The following CNTNAP2 variants were observed in gnomAD, a reference collection of about 807,000 sequenced individuals.
The protein encoded by CNTNAP2 is contactin-associated protein-like 2.
Under a neutral mutation model 155.2 loss-of-function variants are expected in CNTNAP2, and 98 were observed. The ratio of observed to expected loss-of-function variants is 0.63; its 90% CI spans 0.54 to 0.75. CNTNAP2 has a LOEUF of 0.75. CNTNAP2 is among the 30% of genes least tolerant of loss of function. CNTNAP2 has a pLI of 0.00. For synonymous variants in CNTNAP2, 651 were observed against 631.2 expected (o/e 1.03, Z -0.47); for missense variants, 1,727 against 1,688.1 (o/e 1.02, Z -0.40).
chr7:148,069,809 C>G (rs1803348480), intron 15 of CNTNAP2, among the ~76,000 whole-genome samples: 2 of 151,130 alleles, frequency 1.3e-5, no homozygotes, highest in Admixed American at 1.3e-4. Flanking sequence ...GGGACATATG[C>G]ATCTCCATCT....
chr7:146,820,971 A>G (rs1040702812), intron 2 of CNTNAP2, among the ~76,000 whole-genome samples: 1 of 152,094 alleles, frequency 6.6e-6, no homozygotes, highest in Non-Finnish European at 1.5e-5. Flanking sequence ...GTTTTATCAG[A>G]GACTAGGATT....
intron 1 of CNTNAP2, among the ~76,000 whole-genome samples, chr7:146,589,005 AC>A: frequency 6.6e-6 from 1 of 152,196 alleles, no homozygotes; most frequent in East Asian, 1.9e-4. Context: ...ATTACAGGTC[AC>A]CTCATTCACT....
At chr7:146,569,178 G>A (rs1219968132) in intron 1 of CNTNAP2, among the ~76,000 whole-genome samples, 39 of 151,918 alleles carry the variant, frequency 2.6e-4, no homozygotes, top group Admixed American at 2.4e-3. Flanking sequence ...CACCACGCCC[G>A]GCTAATTTTT....
At chr7:146,345,911 T>G in intron 1 of CNTNAP2, among the ~76,000 whole-genome samples, 1 of 152,092 alleles carries the variant, frequency 6.6e-6, no homozygotes, top group East Asian at 1.9e-4. Context: ...GTGAGCTTTA[T>G]CTAGTTGATG....
chr7:146,550,039 A>T (rs550048818), intron 1 of CNTNAP2, among the ~76,000 whole-genome samples: 1 of 152,108 alleles, frequency 6.6e-6, no homozygotes, highest in African/African-American at 2.4e-5. Flanking sequence ...CGTGGAACCT[A>T]AAAAGCTCCA....
At chr7:147,374,398 A>G (rs890731846) in intron 9 of CNTNAP2, among the ~76,000 whole-genome samples, 2 of 152,102 alleles carry the variant, frequency 1.3e-5, no homozygotes, top group African/African-American at 4.8e-5. Context: ...TTCAACCACA[A>G]TTTAAACATT....
At chr7:147,802,955 TAATA>T (rs935712286) in intron 13 of CNTNAP2, among the ~76,000 whole-genome samples, 186 of 152,114 alleles carry the variant, frequency 1.2e-3, no homozygotes, top group African/African-American at 4.5e-3. Context: ...GTAATAATTA[TAATA>T]AATAGTCTAA....
rs1001617231 is a variant in CNTNAP2 at position 146,668,600 on chromosome 7, A to G, written c.98-105671A>G. On this transcript the variant is annotated intron_variant, in intron 1 of 23. Coordinates refer to ENST00000361727, the MANE Select transcript of CNTNAP2 (RefSeq NM_014141.6). ...ATTAATTCTCCTTCATAGATTGAAT[A>G]GAATCCAGTGATGAAGCCATCCAGT... Among the ~76,000 whole-genome samples the G allele has an allele frequency of 2.9e-4, 44 of 152,140 alleles. 1 individual carries two copies. Among genetic ancestry groups the G allele is most frequent in the Non-Finnish European group, 1.2e-4 (8 of 68,000 alleles).
intron 3 of CNTNAP2, among the ~76,000 whole-genome samples, chr7:146,960,867 T>C (rs112305234): frequency 6.9e-4 from 105 of 152,240 alleles, no homozygotes; most frequent in African/African-American, 2.3e-3. Context: ...ACTTGTGACC[T>C]CTAGCTGTGA....
At chr7:148,236,693 A>C (rs1234293579) in intron 20 of CNTNAP2, among the ~76,000 whole-genome samples, 1 of 151,904 alleles carries the variant, frequency 6.6e-6, no homozygotes, top group East Asian at 1.9e-4. Flanking sequence ...TTCATAAAGA[A>C]AAAAAAGGTT....
chr7:147,076,748 G>C (rs1290599070), intron 4 of CNTNAP2, among the ~76,000 whole-genome samples: 1 of 152,136 alleles, frequency 6.6e-6, no homozygotes, highest in African/African-American at 2.4e-5. Context: ...TATGGGTGAT[G>C]AATAATATGC....
intron 9 of CNTNAP2, among the ~76,000 whole-genome samples, chr7:147,347,007 G>A (rs558315640): frequency 2.0e-5 from 3 of 152,008 alleles, no homozygotes; most frequent in Non-Finnish European, 4.4e-5. Flanking sequence ...AGTCATTGAG[G>A]ATATAAAAAT....
At chr7:147,900,647 C>T (rs1427838159) in intron 13 of CNTNAP2, among the ~76,000 whole-genome samples, 1 of 152,034 alleles carries the variant, frequency 6.6e-6, no homozygotes, top group African/African-American at 2.4e-5. Flanking sequence ...GACAGAGTCT[C>T]GCTCTGTCTC....
chr7:147,966,520 G>T (rs558282694), intron 14 of CNTNAP2, among the ~76,000 whole-genome samples: 5 of 152,100 alleles, frequency 3.3e-5, no homozygotes, highest in African/African-American at 1.2e-4. Context: ...CATGAATTAG[G>T]TTTCCCCAGG....
At chr7:146,816,227 G>C (rs1165178211) in intron 2 of CNTNAP2, among the ~76,000 whole-genome samples, 2 of 152,138 alleles carry the variant, frequency 1.3e-5, no homozygotes, top group Non-Finnish European at 2.9e-5. Context: ...TGTGCTCAAA[G>C]ATTCAGAGAA....
intron 21 of CNTNAP2, among the ~76,000 whole-genome samples, chr7:148,358,443 G>A (rs1430248765): frequency 3.3e-5 from 5 of 152,158 alleles, no homozygotes; most frequent in African/African-American, 1.2e-4. Flanking sequence ...ATTTGAGAAT[G>A]TGGAGATTGC....
intron 20 of CNTNAP2, among the ~76,000 whole-genome samples, chr7:148,255,858 A>G (rs1796445717): frequency 6.6e-6 from 1 of 152,164 alleles, no homozygotes; most frequent in African/African-American, 2.4e-5. Flanking sequence ...ATTTCTGGGA[A>G]ACTGCGTTCC....
chr7:146,920,643 G>A (rs546859046), intron 3 of CNTNAP2, among the ~76,000 whole-genome samples: 10 of 152,042 alleles, frequency 6.6e-5, no homozygotes, highest in African/African-American at 9.7e-5. Flanking sequence ...CACTGTAGCC[G>A]TTTCATGTTT....
chr7:146,315,093 T>C (rs59186277), intron 1 of CNTNAP2, among the ~76,000 whole-genome samples: 12,993 of 152,150 alleles, frequency 0.085, 1,566 homozygotes, highest in African/African-American at 0.27. Flanking sequence ...TTTTTCTTTA[T>C]TGCTTTGTAG....
Sources: allele counts gnomAD v4.1 joint callset (sites outside exome capture counted in the v4.1 genomes callset), GRCh38; gene constraint gnomAD v4.1.1; transcripts MANE v1.5; gene names NCBI Gene and HGNC (gene_info 2026-07-23, HGNC 2026-07-21).